The following MTHFS variants were observed in gnomAD, a reference collection of about 807,000 sequenced individuals.
MTHFS encodes the protein methenyltetrahydrofolate synthetase.
Under a neutral mutation model 12.7 loss-of-function variants are expected in MTHFS, and 7 were observed. The ratio of observed to expected loss-of-function variants is 0.55; its 90% CI spans 0.31 to 1.03. The LOEUF is 1.03. Ranked by LOEUF, MTHFS falls within the 50% of genes least tolerant of loss-of-function variation. The pLI is 0.05. For missense variants in MTHFS, 252 were observed against 258.1 expected (o/e 0.98, Z 0.16); for synonymous variants, 100 against 97.1 (o/e 1.03, Z -0.18).
intron 2 of MTHFS, chr15:79,876,565 A>C (rs2034198670): frequency 6.6e-6 from 1 of 150,754 alleles, no homozygotes; most frequent in South Asian, 2.1e-4. Flanking sequence ...CAGTGAGCCA[A>C]GATCATGCCA....
rs941270008 is a variant in MTHFS, at chr15:79,871,962, G to A, written c.379+17131C>T. Among the ~76,000 whole-genome samples, 22 of 151,796 alleles carry A rather than the reference G, an allele frequency of 1.4e-4. 1 individual carries two copies. The highest frequency in any genetic ancestry group is 2.7e-4 in the African/African-American group (11 of 41,434). On this transcript the variant is annotated intron_variant, in intron 2 of 2. Coordinates refer to ENST00000258874, the MANE Select transcript of MTHFS (RefSeq NM_006441.4). ...TACCGAAAAAATACAAAAATTAGCC[G>A]GGCATGGTGGTGGCCACCTGTAATC...
chr15:79,880,800 A>C (rs1288487505), intron 2 of MTHFS, among the ~76,000 whole-genome samples: 5 of 149,458 alleles, frequency 3.3e-5, no homozygotes, highest in African/African-American at 7.3e-5. Flanking sequence ...GCAAAAAAAA[A>C]AAACAAACAA....
intron 2 of MTHFS, among the ~76,000 whole-genome samples, chr15:79,858,620 G>T (rs957386099): frequency 1.3e-5 from 2 of 151,938 alleles, no homozygotes; most frequent in African/African-American, 4.8e-5. Flanking sequence ...ACAGAAATTG[G>T]GAGACTGAAG....
intron 1 of MTHFS, among the ~76,000 whole-genome samples, chr15:79,896,417 T>C (rs554871956): frequency 6.6e-5 from 10 of 152,292 alleles, no homozygotes; most frequent in East Asian, 1.9e-4. Flanking sequence ...ATTTTACTAA[T>C]ATAACCGGAG....
intron 2 of MTHFS, among the ~76,000 whole-genome samples, chr15:79,846,912 CA>C (rs1196599254): frequency 6.6e-6 from 1 of 152,210 alleles, no homozygotes; most frequent in Non-Finnish European, 1.5e-5. Context: ...TACAGTATGG[CA>C]AGGTGCTCTG....
intron 2 of MTHFS, among the ~76,000 whole-genome samples, chr15:79,864,923 GT>G (rs111409704): frequency 0.02 from 3,021 of 152,180 alleles, 84 homozygotes; most frequent in African/African-American, 0.068. Flanking sequence ...GGCATTTGCA[GT>G]TTTTTAAACA....
intron 2 of MTHFS, among the ~76,000 whole-genome samples, chr15:79,853,945 C>T (rs1037205075): frequency 3.3e-5 from 5 of 152,190 alleles, no homozygotes; most frequent in African/African-American, 7.2e-5. Flanking sequence ...CTGTGCTAAG[C>T]TCTTTGCAAA....
intron 2 of MTHFS, among the ~76,000 whole-genome samples, chr15:79,878,668 T>C (rs1407118843): frequency 1.3e-5 from 2 of 151,372 alleles, no homozygotes; most frequent in Non-Finnish European, 2.9e-5. Flanking sequence ...CAGGAATCTA[T>C]AAACTCATAC....
At chr15:79,894,941 A>G (rs140754045) in intron 1 of MTHFS, among the ~76,000 whole-genome samples, 129 of 151,954 alleles carry the variant, frequency 8.5e-4, no homozygotes, top group African/African-American at 2.9e-3. Flanking sequence ...ACTGGTCTCC[A>G]TATTTTTTTT....
chr15:79,851,595 A>C (rs1482375474), intron 2 of MTHFS, among the ~76,000 whole-genome samples: 4 of 152,188 alleles, frequency 2.6e-5, no homozygotes, highest in Non-Finnish European at 5.9e-5. Flanking sequence ...AGAAGGATGA[A>C]TAAAACCAGC....
At chr15:79,857,153 G>A (rs546230575) in intron 2 of MTHFS, among the ~76,000 whole-genome samples, 15 of 151,954 alleles carry the variant, frequency 9.9e-5, no homozygotes, top group Non-Finnish European at 1.0e-4. Context: ...GCACCACCAC[G>A]CCCAGCTAAT....
At chr15:79,875,260 C>T (rs551501260) in intron 2 of MTHFS, among the ~76,000 whole-genome samples, 37 of 150,932 alleles carry the variant, frequency 2.5e-4, no homozygotes, top group Admixed American at 5.3e-4. Context: ...CCTGACTTCC[C>T]GCAACAAAAG....
chr15:79,877,721 TA>T (rs2034225364), intron 2 of MTHFS: 1 of 151,666 alleles, frequency 6.6e-6, no homozygotes. Context: ...AAAAGAAATC[TA>T]CATTTTTACA....
intron 2 of MTHFS, among the ~76,000 whole-genome samples, chr15:79,866,022 T>G (rs1373440876): frequency 6.6e-6 from 1 of 150,602 alleles, no homozygotes; most frequent in East Asian, 2.0e-4. Context: ...GAGAAAACAG[T>G]CACTGCAGTT....
chr15:79,845,972 C>T (rs902463520), intron 2 of MTHFS, among the ~76,000 whole-genome samples: 3 of 152,166 alleles, frequency 2.0e-5, no homozygotes, highest in East Asian at 1.9e-4. Context: ...GCCAGGCTGC[C>T]GGGCTTCCCC....
intron 2 of MTHFS, among the ~76,000 whole-genome samples, chr15:79,851,471 G>A (rs34959225): frequency 0.16 from 23,759 of 152,120 alleles, 2,342 homozygotes; most frequent in African/African-American, 0.28. Flanking sequence ...AGATTATCCT[G>A]TGAGATACCT....
chr15:79,846,502 ACATGGC>A (rs1315334150), intron 2 of MTHFS, among the ~76,000 whole-genome samples: 1 of 152,220 alleles, frequency 6.6e-6, no homozygotes, highest in African/African-American at 2.4e-5. Flanking sequence ...CAGACTGCCA[ACATGGC>A]TAGCCCCCAC....
rs1275448098 is a variant in MTHFS, at chr15:79,845,022, C to G, written c.*188G>C. 1.3e-6 allele frequency: 1 copy of G among 777,728 alleles called. No homozygotes were observed. The highest frequency in any genetic ancestry group is 1.8e-5 in the African/African-American group (1 of 57,018). The allele number at this position is 777,728 out of a possible 1,614,324, so 48.2% of individuals were successfully genotyped here. A position where few individuals can be genotyped will look rare whatever the true frequency, so the allele number is the denominator to read the frequency against. On this transcript the variant is annotated 3_prime_UTR_variant, in exon 3 of 3. Coordinates refer to ENST00000258874, the MANE Select transcript of MTHFS (RefSeq NM_006441.4). ...GATAGCCTCCATTTTAATTAATATT[C>G]TACTATTCACACTTCTATTGGTTTT...
intron 2 of MTHFS, among the ~76,000 whole-genome samples, chr15:79,888,431 G>A (rs1425886521): frequency 6.6e-6 from 1 of 152,144 alleles, no homozygotes; most frequent in Non-Finnish European, 1.5e-5. Context: ...TCAAAATCTT[G>A]TTTCAATTAC....
Sources: gnomAD v4.1 joint callset for allele counts (sites outside exome capture counted in the v4.1 genomes callset) on GRCh38, gnomAD v4.1.1 for gene constraint, MANE v1.5 for transcripts, NCBI Gene and HGNC (gene_info 2026-07-23, HGNC 2026-07-21) for gene names.